MARF1: variants seen among roughly 807,000 people sequenced by gnomAD.
The protein encoded by MARF1 is meiosis regulator and mRNA stability factor 1.
Under a neutral mutation model 168.2 loss-of-function variants are expected in MARF1, and 24 were observed. The observed-to-expected ratio is 0.14, with a 90% CI of 0.10 to 0.20. The LOEUF is 0.20. Among genes scored for constraint, MARF1 ranks in the 10% least tolerant of loss-of-function variants. The probability of loss-of-function intolerance (pLI) is 1.00; values close to 1 mark genes in which losing one functional copy is unlikely to be tolerated. For synonymous variants in MARF1, 868 were observed against 822.4 expected, an observed-to-expected ratio of 1.06 and a Z score of -0.95; for missense variants, 1,744 against 2,143.6, an observed-to-expected ratio of 0.81 and a Z score of 3.68.
intron 7 of MARF1, 109 bp from the exon 8 acceptor site, chr16:15,625,909 GAAGAT>G: frequency 1.3e-6 from 1 of 778,166 alleles, no homozygotes; most frequent in Non-Finnish European, 2.1e-6. Flanking sequence ...ACTTTGAAGA[GAAGAT>G]GACAGTGATT....
At chr16:15,630,095 A>G (rs193161629) in intron 7 of MARF1, 47 of 395,722 alleles carry the variant, frequency 1.2e-4, no homozygotes, top group African/African-American at 9.5e-4. Flanking sequence ...TGGGAAGGTA[A>G]ATCTACAAGT....
intron 11 of MARF1, among the ~76,000 whole-genome samples, chr16:15,622,213 A>C (rs983007601): frequency 2.6e-5 from 4 of 152,132 alleles, no homozygotes; most frequent in African/African-American, 9.7e-5. Context: ...AAAACCCAGG[A>C]CATGGCCATT....
chr16:15,612,398 C>T (rs2033648652), intron 17 of MARF1, among the ~76,000 whole-genome samples, 159 bp downstream of exon 17: 1 of 152,124 alleles, frequency 6.6e-6, no homozygotes, highest in South Asian at 2.1e-4. Context: ...ATTGAGAAGC[C>T]GCCTGTGTGT....
intron 25 of MARF1, 129 bp from the exon 26 acceptor site, chr16:15,599,153 T>TCA: frequency 2.3e-6 from 1 of 438,000 alleles, no homozygotes; most frequent in Non-Finnish European, 3.6e-6. Flanking sequence ...ATTTAAGGTA[T>TCA]TAAAAAAAAA....
chr16:15,604,956 G>C (rs1366926429), intron 21 of MARF1, among the ~76,000 whole-genome samples: 1 of 152,186 alleles, frequency 6.6e-6, no homozygotes, highest in Non-Finnish European at 1.5e-5. Context: ...ATTTTCATCT[G>C]ACTAGTAACT....
Position 15,594,837 on chromosome 16 carries a change from ACACT to A in MARF1, c.*1852_*1855del, listed in dbSNP as rs918486973. ...CAACTCCAGTGAATGGTACTCAGAC[ACACT>A]CACGGGACAGCACAGAACTTGATTC... is the stretch of plus-strand genomic sequence containing the variant. On this transcript the variant is annotated 3_prime_UTR_variant, in exon 27 of 27. Coordinates refer to ENST00000396368, the MANE Select transcript of MARF1 (RefSeq NM_014647.4). 12 of 152,638 alleles carry A rather than the reference ACACT, an allele frequency of 7.9e-5. No individual in the cohort carries two copies. Among genetic ancestry groups the A allele is most frequent in the African/African-American group, 2.9e-4 (12 of 41,444 alleles). 9.5% of individuals were successfully genotyped at this position (152,638 alleles called of 1,614,324 possible). A position where few individuals can be genotyped will look rare whatever the true frequency, so the allele number is the denominator to read the frequency against.
At chr16:15,607,067 TC>T (rs1461258156) in intron 21 of MARF1, among the ~76,000 whole-genome samples, 1 of 152,152 alleles carries the variant, frequency 6.6e-6, no homozygotes, top group Non-Finnish European at 1.5e-5. Context: ...AGGCAGTCCC[TC>T]TCTGACCAGC....
At chr16:15,621,267 C>T (rs1051753338) in intron 12 of MARF1, among the ~76,000 whole-genome samples, 12 of 152,140 alleles carry the variant, frequency 7.9e-5, no homozygotes, top group Admixed American at 7.9e-4. Flanking sequence ...TGAATAAAAC[C>T]ATCACCAGAC....
chr16:15,600,339 C>T, intron 25 of MARF1, 89 bp downstream of exon 25: 1 of 1,545,346 alleles, frequency 6.5e-7, no homozygotes. Flanking sequence ...GGATGACTTG[C>T]TGGAGTCCTT....
In MARF1 at chr16:15,625,646, C is replaced by G. The variant is rs2034792447; in HGVS notation, c.1679G>C (p.Ser560Thr). The G allele has an allele frequency of 1.9e-6, 3 of 1,614,122 alleles. No homozygotes were observed. Among genetic ancestry groups the G allele is most frequent in the Non-Finnish European group, 2.5e-6 (3 of 1,180,060 alleles). The change falls in exon 8 of 27, where the codon AGT becomes ACT. Residue 560 changes from serine (S) to threonine (T), a missense_variant. Physicochemically the swap from Ser to Thr is moderately conservative, Grantham distance 58. Around this residue, in one of 7 missense-constraint regions of MARF1, gnomAD observed 217 missense variants for 372.4 expected, o/e 0.58. Coordinates refer to ENST00000396368, the MANE Select transcript of MARF1 (RefSeq NM_014647.4). ...CATTCGCTTCTGAGCGCGCTCTGCACTATCTTGGTTTATGAAGCGGAGAAT... is the reference window on the plus strand; with the variant it reads ...CATTCGCTTCTGAGCGCGCTCTGCAGTATCTTGGTTTATGAAGCGGAGAAT... ...SAILRFINQD[S>T]AERAQKRMEN...
chr16:15,620,515 C>T lies in MARF1; in HGVS notation c.2656G>A (p.Val886Ile). 6.2e-7 allele frequency: 1 copy of T among 1,612,488 alleles called. No homozygotes were observed. The highest frequency in any genetic ancestry group is 8.5e-7 in the Non-Finnish European group (1 of 1,178,894). The part of the protein sequence containing the change: ...LSLLSAETMS[V>I]LQDAPACCLP... ...CAACAGGCAGGGGCATCCTGAAGAACAGACATTGTTTCTGCACTGTAAAAC... is the reference window on the plus strand; with the variant it reads ...CAACAGGCAGGGGCATCCTGAAGAATAGACATTGTTTCTGCACTGTAAAAC... The change falls in exon 13 of 27, where the codon GTT becomes ATT. Residue 886 changes from valine (V) to isoleucine (I), a missense_variant. By Grantham distance (29) the Val-to-Ile change is conservative (BLOSUM62 3). This residue lies in a region of MARF1 where 543 missense variants were observed against 742.1 expected (regional missense o/e 0.73). Transcript: ENST00000396368.
intron 23 of MARF1, 86 bp from the exon 24 acceptor site, chr16:15,600,787 C>T: frequency 7.1e-7 from 1 of 1,405,268 alleles, no homozygotes; most frequent in Non-Finnish European, 1.0e-6. Context: ...ACCTACGGAG[C>T]CTGCCTTAGG....
chr16:15,600,413 C>T lies in MARF1; in HGVS notation c.4813+15G>A, dbSNP rs2151023922. 6.2e-7 allele frequency: 1 copy of T among 1,614,110 alleles called. No homozygotes were observed. Among genetic ancestry groups the T allele is most frequent in the Non-Finnish European group, 8.5e-7 (1 of 1,180,036 alleles). On this transcript the variant is annotated intron_variant, in intron 25 of 26. Transcript: ENST00000396368. ...AATTTCACAAGCTCCTATGTCTCTG[C>T]TTTTCCTCTCTTACCACTGCCGTCA...
Position 15,604,377 on chromosome 16 carries a change from T to C in MARF1, c.4204A>G (p.Arg1402Gly). Residue 1402 changes from arginine (R) to glycine (G), a missense_variant, in exon 22 of 27, where the codon AGA becomes GGA. Transcript: ENST00000396368. ...VVKVADIESG[R>G]QIQLINRKSL... ...TTTCGGTTGATCAGCTGAATCTGTC[T>C]GCCAGATTCTATATCGGCAACCTGG... 1.2e-6 allele frequency: 2 copies of C among 1,613,714 alleles called. No homozygotes were observed. The highest frequency in any genetic ancestry group is 1.7e-6 in the Non-Finnish European group (2 of 1,179,612).
intron 16 of MARF1, among the ~76,000 whole-genome samples, chr16:15,614,289 T>C (rs1302073948): frequency 6.6e-6 from 1 of 150,568 alleles, no homozygotes; most frequent in Admixed American, 6.6e-5. Flanking sequence ...GAGACCATCC[T>C]TGCTAACACG....
At chr16:15,605,493 C>G (rs942459627) in intron 21 of MARF1, among the ~76,000 whole-genome samples, 1 of 152,058 alleles carries the variant, frequency 6.6e-6, no homozygotes, top group African/African-American at 2.4e-5. Flanking sequence ...TCCTCAGAAG[C>G]GGGTTTAATC....
At chr16:15,624,181 A>C (rs1164382469) in intron 10 of MARF1, among the ~76,000 whole-genome samples, 1 of 151,622 alleles carries the variant, frequency 6.6e-6, no homozygotes, top group Non-Finnish European at 1.5e-5. Context: ...GGCCTCCCAA[A>C]GTGCTGGGAT....
chr16:15,640,269 A>G (rs750627495), intron 1 of MARF1, among the ~76,000 whole-genome samples: 4 of 152,240 alleles, frequency 2.6e-5, no homozygotes, highest in South Asian at 2.1e-4. Flanking sequence ...GATTTGCTAC[A>G]GAACAAATTG....
In MARF1 at chr16:15,617,103, G is replaced by C; in HGVS notation, c.3026C>G (p.Pro1009Arg). The change falls in exon 15 of 27, where the codon CCC becomes CGC. Residue 1009 changes from proline to arginine, a missense_variant. Around this residue, in one of 7 missense-constraint regions of MARF1, gnomAD observed 543 missense variants for 742.1 expected, o/e 0.73. Coordinates refer to ENST00000396368, the MANE Select transcript of MARF1 (RefSeq NM_014647.4). The stretch of plus-strand genomic sequence containing the variant: ...GGTCTGGAGAAGACTGTGAACCTGG[G>C]GCGCAAATGTCTTCAAAGAAAGAAT... ...FVILSLKTFA[P>R]QVHSLLQTHE... is the part of the protein sequence containing the mutation. The C allele has an allele frequency of 6.2e-7, 1 of 1,614,126 alleles. No homozygotes were observed. The highest frequency in any genetic ancestry group is 8.5e-7 in the Non-Finnish European group (1 of 1,180,010).
Sources: allele counts gnomAD v4.1 joint callset (sites outside exome capture counted in the v4.1 genomes callset), GRCh38; gene constraint gnomAD v4.1.1; regional missense constraint gnomAD v4.1.1; transcripts MANE v1.5; gene names NCBI Gene and HGNC (gene_info 2026-07-23, HGNC 2026-07-21).